Variants in GRIP1 observed in about 807,000 individuals in gnomAD.
GRIP1 encodes glutamate receptor interacting protein 1.
In GRIP1, 45 loss-of-function variants were observed where a neutral mutation model predicts 129.9. That is an observed-to-expected ratio of 0.35 (90% CI 0.27 to 0.44). GRIP1 has a LOEUF of 0.44. Ranked by LOEUF, GRIP1 falls within the 20% of genes least tolerant of loss-of-function variation. The probability of loss-of-function intolerance (pLI) is 1.00; values close to 1 mark genes in which losing one functional copy is unlikely to be tolerated. For synonymous variants in GRIP1, 530 were observed against 520.8 expected (o/e 1.02, Z -0.24); for missense variants, 1,196 against 1,396.8 (o/e 0.86, Z 2.29).
chr12:66,609,701 C>T (rs1029523943), intron 1 of GRIP1, among the ~76,000 whole-genome samples: 1 of 152,104 alleles, frequency 6.6e-6, no homozygotes, highest in Admixed American at 6.6e-5. Flanking sequence ...AAAGAAAATG[C>T]AATTCAATTC....
chr12:66,523,497 C>T (rs537386073), intron 5 of GRIP1, among the ~76,000 whole-genome samples: 9 of 151,446 alleles, frequency 5.9e-5, no homozygotes, highest in East Asian at 5.8e-4. Context: ...TTTGTCACCA[C>T]CAGGCCTGCC....
rs191762731 is a variant in GRIP1, at chr12:67,064,024, A to C, written c.58+5026T>G. On this transcript the variant is annotated intron_variant, in intron 1 of 1. Transcript: ENST00000643019. ...CATGGCAAATACGCTTTGAAAAAAA[A>C]GGAAAAATATGCAATAATGGCAAGT... Among the ~76,000 whole-genome samples, 6 of 152,368 alleles carry C rather than the reference A, an allele frequency of 3.9e-5. No individual in the cohort carries two copies. The East Asian group carries it at 1.2e-3, about 29-fold the overall frequency.
intron 1 of GRIP1, among the ~76,000 whole-genome samples, chr12:66,916,037 C>T (rs972143279): frequency 1.3e-5 from 2 of 152,144 alleles, no homozygotes; most frequent in Non-Finnish European, 2.9e-5. Flanking sequence ...GGGCTAGTGG[C>T]ACTCTGGGCA....
intron 7 of GRIP1, among the ~76,000 whole-genome samples, chr12:66,487,099 C>G (rs747241647): frequency 6.6e-6 from 1 of 152,184 alleles, no homozygotes; most frequent in Non-Finnish European, 1.5e-5. Context: ...CACAAAATTT[C>G]TTAAAGGTCT....
At chr12:67,029,117 TA>T (rs2042982896) in intron 1 of GRIP1, among the ~76,000 whole-genome samples, 1 of 151,836 alleles carries the variant, frequency 6.6e-6, no homozygotes, top group South Asian at 2.1e-4. Context: ...AAAAATAAAT[TA>T]AAAAAAATTT....
At chr12:66,432,519 A>G in intron 14 of GRIP1, 29 bp downstream of exon 14, 1 of 1,344,506 alleles carries the variant, frequency 7.4e-7, no homozygotes, top group Non-Finnish European at 1.1e-6. Context: ...GCCTTTAAAA[A>G]TTATTTAAAA....
chr12:66,909,807 C>G (rs906585545), intron 1 of GRIP1, among the ~76,000 whole-genome samples: 1 of 152,106 alleles, frequency 6.6e-6, no homozygotes, highest in Non-Finnish European at 1.5e-5. Flanking sequence ...TCTAATATGT[C>G]TAAAATATCA....
intron 1 of GRIP1, among the ~76,000 whole-genome samples, chr12:66,652,334 C>G (rs114248909): frequency 0.013 from 2,053 of 152,250 alleles, 56 homozygotes; most frequent in African/African-American, 0.047. Context: ...GCAGTTTCCC[C>G]TGGGCTTTTC....
chr12:66,460,127 C>T (rs10878427), intron 9 of GRIP1, among the ~76,000 whole-genome samples: 62,882 of 152,000 alleles, frequency 0.41, 13,884 homozygotes, highest in African/African-American at 0.55. Context: ...TAAGACCCCA[C>T]GTGGTGGAGT....
At chr12:66,655,697 C>T (rs1193860461) in intron 1 of GRIP1, among the ~76,000 whole-genome samples, 1 of 151,226 alleles carries the variant, frequency 6.6e-6, no homozygotes, top group Non-Finnish European at 1.5e-5. Context: ...GCAAGCTCCG[C>T]CTCCCGGGTT....
At chr12:66,602,485 C>G (rs2064318376) in intron 1 of GRIP1, among the ~76,000 whole-genome samples, 1 of 152,158 alleles carries the variant, frequency 6.6e-6, no homozygotes, top group Non-Finnish European at 1.5e-5. Context: ...TTCATGATCT[C>G]TCCTAGAGTC....
chr12:66,678,791 CTG>C, intron 1 of GRIP1, 57 bp downstream of exon 1: 1 of 1,492,096 alleles, frequency 6.7e-7, no homozygotes, highest in South Asian at 1.1e-5. Context: ...AACCATTAAA[CTG>C]TGTTTATAGG....
At chr12:66,550,831 G>C (rs936205143) in intron 2 of GRIP1, among the ~76,000 whole-genome samples, 1 of 152,114 alleles carries the variant, frequency 6.6e-6, no homozygotes, top group Non-Finnish European at 1.5e-5. Flanking sequence ...CAGTGAAACC[G>C]CCTCTCTTCC....
At chr12:66,828,728 G>A (rs2039462655) in intron 1 of GRIP1, among the ~76,000 whole-genome samples, 1 of 152,170 alleles carries the variant, frequency 6.6e-6, no homozygotes, top group Admixed American at 6.5e-5. Context: ...CAGGCGAGGA[G>A]GCCTTCTGAG....
At chr12:66,845,555 A>T (rs893239328) in intron 1 of GRIP1, among the ~76,000 whole-genome samples, 11 of 152,160 alleles carry the variant, frequency 7.2e-5, no homozygotes, top group African/African-American at 2.7e-4. Context: ...AATCATTTTA[A>T]AGTTCTGTCT....
intron 16 of GRIP1, among the ~76,000 whole-genome samples, chr12:66,395,968 A>G (rs1246887187): frequency 6.6e-6 from 1 of 152,204 alleles, no homozygotes. Flanking sequence ...ATTTTCCTAC[A>G]GTACGATATT....
intron 2 of GRIP1, among the ~76,000 whole-genome samples, chr12:66,562,392 T>G (rs1484837115): frequency 6.6e-6 from 1 of 152,188 alleles, no homozygotes; most frequent in African/African-American, 2.4e-5. Context: ...TGCTCTGTTA[T>G]TGCCCCTTGG....
chr12:66,818,589 G>C (rs929732687), intron 1 of GRIP1, among the ~76,000 whole-genome samples: 1 of 152,144 alleles, frequency 6.6e-6, no homozygotes, highest in African/African-American at 2.4e-5. Flanking sequence ...TACAGTCATA[G>C]TACTTTGGTA....
chr12:66,784,716 T>G (rs2038265933), intron 1 of GRIP1, among the ~76,000 whole-genome samples: 3 of 152,238 alleles, frequency 2.0e-5, no homozygotes. Context: ...CTCCCTGGTC[T>G]TAGCTTTGTT....
Sources: allele counts gnomAD v4.1 joint callset (sites outside exome capture counted in the v4.1 genomes callset), GRCh38; gene constraint gnomAD v4.1.1; transcripts MANE v1.5; gene names NCBI Gene and HGNC (gene_info 2026-07-23, HGNC 2026-07-21).